DLC1: variants seen among roughly 807,000 people sequenced by gnomAD.
The protein encoded by DLC1 is DLC1 Rho GTPase activating protein, also known as rho GTPase-activating protein 7.
A neutral mutation model predicts 140.3 loss-of-function variants in DLC1; 54 were observed. That is an observed-to-expected ratio of 0.38 (90% CI 0.31 to 0.48). The LOEUF is 0.48. Ranked by LOEUF, DLC1 falls within the 20% of genes least tolerant of loss-of-function variation. The pLI, the probability that DLC1 is intolerant of heterozygous loss-of-function variation, is 0.96. For missense variants in DLC1, 2,536 were observed against 1,907.0 expected (o/e 1.33, Z -6.14); for synonymous variants, 986 against 728.1 (o/e 1.35, Z -5.70).
chr8:13,504,906 AG>A (rs1173472976), intron 1 of DLC1, among the ~76,000 whole-genome samples: 4 of 152,210 alleles, frequency 2.6e-5, no homozygotes, highest in African/African-American at 9.6e-5. Flanking sequence ...TAGAATTTTC[AG>A]GATAAAAGTT....
chr8:13,325,913 G>C (rs1291884674), intron 4 of DLC1, among the ~76,000 whole-genome samples: 2 of 152,084 alleles, frequency 1.3e-5, no homozygotes, highest in Non-Finnish European at 2.9e-5. Context: ...ACATGATGTT[G>C]GTCCCATATG....
chr8:13,405,850 C>T (rs1044570490), intron 2 of DLC1, among the ~76,000 whole-genome samples: 2 of 139,882 alleles, frequency 1.4e-5, no homozygotes, highest in South Asian at 5.2e-4. Context: ...CCCTCCCTTT[C>T]TGTCTTTCTC....
intron 1 of DLC1, among the ~76,000 whole-genome samples, chr8:13,593,697 T>G (rs1247639161): frequency 6.6e-6 from 1 of 152,128 alleles, no homozygotes; most frequent in African/African-American, 2.4e-5. Flanking sequence ...TGGGTTACTA[T>G]GAAAACAACC....
At chr8:13,530,845 G>T (rs546596068) in intron 1 of DLC1, among the ~76,000 whole-genome samples, 1 of 152,140 alleles carries the variant, frequency 6.6e-6, no homozygotes, top group African/African-American at 2.4e-5. Context: ...AGCTTACGTG[G>T]TTAAAAACAA....
intron 5 of DLC1, chr8:13,160,315 A>G (rs977535311): frequency 6.6e-6 from 1 of 152,210 alleles, no homozygotes; most frequent in African/African-American, 2.4e-5. Flanking sequence ...GGGAGACACT[A>G]ACTTTGTGTT....
rs1818923893 is a variant in DLC1, at chr8:13,100,195, C to T, written c.2142G>A (p.Val714=). 1 of 1,614,150 alleles carries T rather than the reference C, an allele frequency of 6.2e-7. No individual in the cohort carries two copies. The highest frequency in any genetic ancestry group is 1.7e-5 in the Admixed American group (1 of 60,020). The change falls in exon 9 of 18, where the codon GTG becomes GTA. Residue 714 remains valine, a synonymous_variant. Transcript: ENST00000276297. ...GGTTGCCATTGAGGGCGGAGATCTC[C>T]ACGCAGTTGAGCTGCTTCAGCTTCT... The part of the protein sequence containing the change: ...DEEKLKQLNC[V]EISALNGNRI...
At chr8:13,465,253 A>G (rs1261082421) in intron 2 of DLC1, among the ~76,000 whole-genome samples, 2 of 152,214 alleles carry the variant, frequency 1.3e-5, no homozygotes, top group African/African-American at 4.8e-5. Flanking sequence ...TGTTTCTAGG[A>G]CACACTTCTA....
At chr8:13,137,293 C>T (rs893313219) in intron 5 of DLC1, among the ~76,000 whole-genome samples, 6 of 151,990 alleles carry the variant, frequency 3.9e-5, no homozygotes, top group Admixed American at 6.6e-5. Flanking sequence ...TGTTAGATAA[C>T]GTTAGATAAT....
intron 2 of DLC1, among the ~76,000 whole-genome samples, chr8:13,430,311 G>A (rs555156690): frequency 6.8e-4 from 104 of 152,122 alleles, no homozygotes; most frequent in African/African-American, 2.0e-3. Flanking sequence ...AGAAACAAAG[G>A]CCTTTGAAAA....
At chr8:13,591,631 TG>T (rs1378729890) in intron 1 of DLC1, among the ~76,000 whole-genome samples, 4 of 151,838 alleles carry the variant, frequency 2.6e-5, no homozygotes, top group Non-Finnish European at 4.4e-5. Context: ...ATATTAGGAG[TG>T]TTTTTTTTTC....
At chr8:13,108,657 A>T (rs941696434) in intron 7 of DLC1, among the ~76,000 whole-genome samples, 4 of 152,174 alleles carry the variant, frequency 2.6e-5, no homozygotes, top group Non-Finnish European at 5.9e-5. Flanking sequence ...AAGAATTCCT[A>T]AGCTATTGCT....
chr8:13,375,410 TG>T (rs2117134998), intron 4 of DLC1, among the ~76,000 whole-genome samples: 1 of 152,328 alleles, frequency 6.6e-6, no homozygotes, highest in Admixed American at 6.5e-5. Context: ...GATTTTGGGT[TG>T]AGACGTTGGA....
intron 2 of DLC1, among the ~76,000 whole-genome samples, chr8:13,434,481 T>C (rs189952509): frequency 2.5e-4 from 38 of 152,230 alleles, no homozygotes; most frequent in African/African-American, 8.7e-4. Flanking sequence ...TGTGTGTGTG[T>C]GTGTGTGTTC....
At chr8:13,214,271 A>G (rs1484964920) in intron 5 of DLC1, 1 of 191,204 alleles carries the variant, frequency 5.2e-6, no homozygotes, top group Non-Finnish European at 1.1e-5. Flanking sequence ...TATGCAAAGG[A>G]AGTTTCTTCT....
chr8:13,219,357 A>T (rs1828423808), intron 5 of DLC1, among the ~76,000 whole-genome samples: 1 of 77,996 alleles, frequency 1.3e-5, no homozygotes, highest in South Asian at 3.5e-4. Flanking sequence ...TCATATAGTT[A>T]TATAATTCAT....
chr8:13,436,638 A>G (rs1365058794), intron 2 of DLC1, among the ~76,000 whole-genome samples: 1 of 152,190 alleles, frequency 6.6e-6, no homozygotes, highest in Admixed American at 6.5e-5. Context: ...CAACTGGACA[A>G]TGCAGAAAAC....
chr8:13,160,995 G>A (rs182614491), intron 5 of DLC1, among the ~76,000 whole-genome samples: 1,747 of 152,244 alleles, frequency 0.011, 15 homozygotes, highest in South Asian at 0.047. Context: ...GCAGGAGAAT[G>A]GCACGAACCC....
intron 5 of DLC1, among the ~76,000 whole-genome samples, chr8:13,203,849 G>A (rs1827523157): frequency 1.3e-5 from 2 of 152,154 alleles, no homozygotes; most frequent in Non-Finnish European, 1.5e-5. Context: ...GAGCTCTCTA[G>A]TTTAACCTTA....
intron 6 of DLC1, among the ~76,000 whole-genome samples, 177 bp downstream of exon 6, chr8:13,115,409 T>C (rs1585668172): frequency 6.6e-6 from 1 of 152,126 alleles, no homozygotes; most frequent in Non-Finnish European, 1.5e-5. Flanking sequence ...CATGGGCGTG[T>C]TACCAAGGTG....
Sources: gnomAD v4.1 joint callset for allele counts (sites outside exome capture counted in the v4.1 genomes callset) on GRCh38, gnomAD v4.1.1 for gene constraint, MANE v1.5 for transcripts, NCBI Gene and HGNC (gene_info 2026-07-23, HGNC 2026-07-21) for gene names.